The following MCM9 variants were observed in gnomAD, a reference collection of about 807,000 sequenced individuals.
The protein encoded by MCM9 is minichromosome maintenance 9 homologous recombination repair factor.
A neutral mutation model predicts 72.8 loss-of-function variants in MCM9; 55 were observed. The observed-to-expected ratio is 0.76, with a 90% CI of 0.61 to 0.95. MCM9 has a LOEUF of 0.95. Among genes scored for constraint, MCM9 ranks in the 40% least tolerant of loss-of-function variants. MCM9 has a pLI of 0.00. For missense variants in MCM9, 1,279 were observed against 1,377.0 expected (o/e 0.93, Z 1.13); for synonymous variants, 480 against 503.4 (o/e 0.95, Z 0.62).
chr6:118,814,710 G>C lies in MCM9; in HGVS notation c.*114C>G, dbSNP rs1207739123. 1 of 1,044,832 alleles carries C rather than the reference G, an allele frequency of 9.6e-7. No individual in the cohort carries two copies. The highest frequency in any genetic ancestry group is 1.3e-6 in the Non-Finnish European group (1 of 746,978). The allele number at this position is 1,044,832 out of a possible 1,614,324, so 64.7% of individuals were successfully genotyped here. A position where few individuals can be genotyped will look rare whatever the true frequency, so the allele number is the denominator to read the frequency against. On this transcript the variant is annotated 3_prime_UTR_variant, in exon 14 of 14. Transcript: ENST00000619706. ...AGCCTTAAGGGGGAGCCAGTATTCAGAGTGATCCTCAATATGGCCAATTGT... is the reference window on the plus strand; with the variant it reads ...AGCCTTAAGGGGGAGCCAGTATTCACAGTGATCCTCAATATGGCCAATTGT...
chr6:118,824,910 T>G (rs1774063517), intron 13 of MCM9, among the ~76,000 whole-genome samples: 1 of 152,134 alleles, frequency 6.6e-6, no homozygotes, highest in Non-Finnish European at 1.5e-5. Flanking sequence ...TAAATACCAG[T>G]AGAAAAAAAC....
chr6:118,910,989 A>G, intron 8 of MCM9: 1 of 985,408 alleles, frequency 1.0e-6, no homozygotes, highest in Non-Finnish European at 1.2e-6. Context: ...TTTTCAGAAG[A>G]ACAGAAACAT....
In MCM9 at chr6:118,869,020, T is replaced by C. The variant is rs892175930; in HGVS notation, c.1151-12475A>G. On this transcript the variant is annotated intron_variant, in intron 8 of 13. Transcript: ENST00000619706. Reference sequence around the variant, plus strand: ...CAAAGACTTGGAACCAACCCAAATGTCCATCAATGATAGACTGGATTAAGA... The same window carrying C: ...CAAAGACTTGGAACCAACCCAAATGCCCATCAATGATAGACTGGATTAAGA... 2.8e-4 allele frequency among the ~76,000 whole-genome samples: 42 copies of C among 152,248 alleles called. 1 individual carries two copies. Among genetic ancestry groups the C allele is most frequent in the Non-Finnish European group, 4.3e-4 (29 of 68,010 alleles).
intron 9 of MCM9, among the ~76,000 whole-genome samples, chr6:118,847,156 C>G (rs1168033007): frequency 6.6e-6 from 1 of 151,768 alleles, no homozygotes; most frequent in Non-Finnish European, 1.5e-5. Context: ...AGAGGAAATA[C>G]TCTCAGAAAT....
At chr6:118,863,215 T>G (rs1467352381) in intron 8 of MCM9, among the ~76,000 whole-genome samples, 1 of 152,176 alleles carries the variant, frequency 6.6e-6, no homozygotes, top group African/African-American at 2.4e-5. Flanking sequence ...ATAAGTGAAA[T>G]GAATGAGATG....
intron 8 of MCM9, 184 bp downstream of exon 8, chr6:118,911,466 G>A (rs1780539880): frequency 3.1e-6 from 4 of 1,311,436 alleles, no homozygotes; most frequent in African/African-American, 1.5e-5. Flanking sequence ...CAAAGTGAAG[G>A]TGGAGCTTGC....
chr6:118,924,699 C>T (rs2114390908), intron 3 of MCM9, among the ~76,000 whole-genome samples: 1 of 152,282 alleles, frequency 6.6e-6, no homozygotes, highest in African/African-American at 2.4e-5. Flanking sequence ...TCACCTTATC[C>T]TATAAAAGCC....
intron 2 of MCM9, among the ~76,000 whole-genome samples, chr6:118,932,109 A>G (rs1782488307): frequency 6.6e-6 from 1 of 152,240 alleles, no homozygotes; most frequent in Non-Finnish European, 1.5e-5. Context: ...AGATTACAAT[A>G]CTGTATCCTT....
At chr6:118,898,606 T>C (rs1387259171) in intron 8 of MCM9, among the ~76,000 whole-genome samples, 2 of 152,022 alleles carry the variant, frequency 1.3e-5, no homozygotes, top group Non-Finnish European at 2.9e-5. Context: ...TTAGTAGAGA[T>C]GGGGTTTCAC....
intron 8 of MCM9, among the ~76,000 whole-genome samples, chr6:118,909,395 T>C (rs1780379421): frequency 6.6e-6 from 1 of 152,258 alleles, no homozygotes; most frequent in Admixed American, 6.5e-5. Flanking sequence ...CCTTTTGTTA[T>C]CTTAAATTTT....
chr6:118,855,558 A>C (rs1776502349), intron 9 of MCM9, among the ~76,000 whole-genome samples: 1 of 152,016 alleles, frequency 6.6e-6, no homozygotes, highest in African/African-American at 2.4e-5. Context: ...TTTTTGCTGG[A>C]GTATACAAAT....
chr6:118,829,768 G>T lies in MCM9; in HGVS notation c.1326-518C>A, dbSNP rs144202316. On this transcript the variant is annotated intron_variant, in intron 9 of 13. Coordinates refer to ENST00000619706, the MANE Select transcript of MCM9 (RefSeq NM_017696.3). ...GACAGGCATTTGCAGAGGGGGTGAGGGTAGAGAGTGAGGATGACTCTGGAG... is the reference window on the plus strand; with the variant it reads ...GACAGGCATTTGCAGAGGGGGTGAGTGTAGAGAGTGAGGATGACTCTGGAG... Among the ~76,000 whole-genome samples, 277 of 152,238 alleles carry T rather than the reference G, an allele frequency of 1.8e-3. 1 individual carries two copies. Among genetic ancestry groups the T allele is most frequent in the South Asian group, 0.01 (50 of 4,826 alleles).
chr6:118,906,214 A>C (rs1279925245), intron 8 of MCM9, among the ~76,000 whole-genome samples: 1 of 152,182 alleles, frequency 6.6e-6, no homozygotes, highest in Non-Finnish European at 1.5e-5. Context: ...CTGGGACTAC[A>C]GGTGTATACC....
intron 8 of MCM9, among the ~76,000 whole-genome samples, chr6:118,904,229 T>A (rs185220272): frequency 2.2e-4 from 33 of 152,094 alleles, no homozygotes; most frequent in Non-Finnish European, 4.1e-4. Context: ...ATGAAAAAAA[T>A]GTTGAGACTG....
chr6:118,875,962 C>T (rs1000606094), intron 8 of MCM9, among the ~76,000 whole-genome samples: 4 of 152,184 alleles, frequency 2.6e-5, no homozygotes, highest in Admixed American at 6.5e-5. Context: ...TCATAATTGC[C>T]GAAACTTGGG....
At chr6:118,906,332 C>T (rs1285287238) in intron 8 of MCM9, among the ~76,000 whole-genome samples, 1 of 152,162 alleles carries the variant, frequency 6.6e-6, no homozygotes, top group Non-Finnish European at 1.5e-5. Flanking sequence ...CTTGACCTCC[C>T]AAAGTGCTGG....
Position 118,817,129 on chromosome 6 carries a change from G to GT in MCM9, c.1962-836dup, listed in dbSNP as rs564413817. Reference sequence around the variant, plus strand: ...ATATTGCCAGAAGGACAACTTTCTTGTTTTTTTTTACTTTAAGTTCTGGGA... The same window carrying GT: ...ATATTGCCAGAAGGACAACTTTCTTGTTTTTTTTTTACTTTAAGTTCTGGGA... On this transcript the variant is annotated intron_variant, in intron 13 of 13. Transcript: ENST00000619706. Among the ~76,000 whole-genome samples the GT allele has an allele frequency of 1.2e-3, 187 of 151,200 alleles. 1 individual carries two copies. In the East Asian group the frequency reaches 0.031, roughly 25 times the overall value.
intron 4 of MCM9, among the ~76,000 whole-genome samples, chr6:118,922,557 A>G (rs1275942171): frequency 6.6e-6 from 1 of 152,246 alleles, no homozygotes; most frequent in Non-Finnish European, 1.5e-5. Flanking sequence ...AGGTATGGTC[A>G]TATGATAGAA....
intron 13 of MCM9, among the ~76,000 whole-genome samples, chr6:118,821,371 C>T (rs1166204859): frequency 1.3e-5 from 2 of 152,090 alleles, no homozygotes; most frequent in East Asian, 1.9e-4. Flanking sequence ...TTTATTTCTC[C>T]TTCACTTATG....
Sources: allele counts gnomAD v4.1 joint callset (sites outside exome capture counted in the v4.1 genomes callset), GRCh38; gene constraint gnomAD v4.1.1; transcripts MANE v1.5; gene names NCBI Gene and HGNC (gene_info 2026-07-23, HGNC 2026-07-21).